Variants in SLIT2 observed in about 807,000 individuals in gnomAD.
SLIT2 encodes slit homolog 2 protein.
A neutral mutation model predicts 185.7 loss-of-function variants in SLIT2; 41 were observed. That is an observed-to-expected ratio of 0.22 (90% CI 0.17 to 0.29). SLIT2 has a LOEUF of 0.29. Among genes scored for constraint, SLIT2 ranks in the 10% least tolerant of loss-of-function variants. SLIT2 has a pLI of 1.00. For missense variants in SLIT2, 1,571 were observed against 1,909.0 expected (o/e 0.82, Z 3.30); for synonymous variants, 693 against 680.2 (o/e 1.02, Z -0.29).
At chr4:20,366,347 C>A (rs1466300653) in intron 4 of SLIT2, among the ~76,000 whole-genome samples, 1 of 152,116 alleles carries the variant, frequency 6.6e-6, no homozygotes, top group Non-Finnish European at 1.5e-5. Context: ...TCAAGGAATT[C>A]CTTTCTACAA....
intron 33 of SLIT2, among the ~76,000 whole-genome samples, chr4:20,603,596 C>A (rs74603876): frequency 0.047 from 7,102 of 152,114 alleles, 215 homozygotes; most frequent in Middle Eastern, 0.088. Flanking sequence ...ATGTCATTTT[C>A]CAAACCAGGC....
chr4:20,329,487 T>G (rs777093144), intron 4 of SLIT2, among the ~76,000 whole-genome samples: 4 of 152,040 alleles, frequency 2.6e-5, no homozygotes, highest in Non-Finnish European at 5.9e-5. Context: ...TAAGAGAAGA[T>G]CAATGTATGT....
chr4:20,598,800 A>G (rs1728183950), intron 33 of SLIT2, among the ~76,000 whole-genome samples: 1 of 152,150 alleles, frequency 6.6e-6, no homozygotes, highest in Admixed American at 6.5e-5. Flanking sequence ...TCTCAAGGAA[A>G]CAACCAGCTT....
In SLIT2 at chr4:20,533,600, A is replaced by G; in HGVS notation, c.1717A>G (p.Ile573Val). ...CTTTAGCAACAATAAGATCACAGAT[A>G]TTGAGGAGGGAGCATTTGAAGGAGC... ...INFSNNKITD[I>V]EEGAFEGASG... Residue 573 changes from isoleucine (I) to valine (V), a missense_variant, in exon 18 of 37, where the codon ATT becomes GTT. Around this residue, in one of 3 missense-constraint regions of SLIT2, gnomAD observed 1,202 missense variants for 1,416.4 expected, o/e 0.85. Coordinates refer to ENST00000504154, the MANE Select transcript of SLIT2 (RefSeq NM_004787.4). The G allele has an allele frequency of 3.7e-6, 6 of 1,611,480 alleles. No individual in the cohort carries two copies. The highest frequency in any genetic ancestry group is 4.2e-6 in the Non-Finnish European group (5 of 1,177,636).
At chr4:20,617,355 C>A in intron 35 of SLIT2, 84 bp from the exon 36 acceptor site, 1 of 1,429,928 alleles carries the variant, frequency 7.0e-7, no homozygotes, top group Non-Finnish European at 9.7e-7. Context: ...TTTTCTCAAT[C>A]ATCCTCCATT....
chr4:20,306,761 C>A (rs1717589728), intron 4 of SLIT2, among the ~76,000 whole-genome samples: 1 of 152,078 alleles, frequency 6.6e-6, no homozygotes, highest in Admixed American at 6.6e-5. Flanking sequence ...TCCATGACTC[C>A]AAGTTATAAT....
rs563802621 is a variant in SLIT2, at chr4:20,470,130, A to G, written c.467+2307A>G. 6.9e-4 allele frequency among the ~76,000 whole-genome samples: 105 copies of G among 152,064 alleles called. 1 individual carries two copies. The South Asian group carries it at 0.013, about 19-fold the overall frequency. On this transcript the variant is annotated intron_variant, in intron 5 of 36. Coordinates refer to ENST00000504154, the MANE Select transcript of SLIT2 (RefSeq NM_004787.4). ...ATTAGGGAAAGAAGATGTATGAAAG[A>G]CCTTTCGAAACAGTAAAATGCTATG... is the stretch of plus-strand genomic sequence containing the variant.
At position 20,619,166 on chromosome 4, in the gene SLIT2, G is replaced by GA. The variant is rs202224128; in HGVS notation, c.*170dup. Reference sequence around the variant, plus strand: ...AATAAAGACTTTTTTTCTGCATTTGGAAAAAAAAAAAAAGAAATGCTTGAA... The same window carrying GA: ...AATAAAGACTTTTTTTCTGCATTTGGAAAAAAAAAAAAAAGAAATGCTTGAA... On this transcript the variant is annotated 3_prime_UTR_variant, in exon 37 of 37. Transcript: ENST00000504154. 0.077 allele frequency: 37,585 copies of GA among 489,290 alleles called. 3 individuals are homozygous for GA. Among genetic ancestry groups the GA allele is most frequent in the East Asian group, 0.1 (2,499 of 23,952 alleles). The allele number at this position is 489,290 out of a possible 1,614,324, so 30.3% of individuals were successfully genotyped here.
rs78661425 is a variant in SLIT2 at position 20,379,017 on chromosome 4, T to C, written c.396-88735T>C. Among the ~76,000 whole-genome samples the C allele has an allele frequency of 3.9e-5, 6 of 152,294 alleles. No individual in the cohort carries two copies. In the East Asian group the frequency reaches 1.2e-3, roughly 29 times the overall value. On this transcript the variant is annotated intron_variant, in intron 4 of 36. Coordinates refer to ENST00000504154, the MANE Select transcript of SLIT2 (RefSeq NM_004787.4). Reference sequence around the variant, plus strand: ...GCTACATACAGTGTGATTCCAACTCTCTGACAGAGTACAGAGGGGTTTTAG... The same window carrying C: ...GCTACATACAGTGTGATTCCAACTCCCTGACAGAGTACAGAGGGGTTTTAG...
intron 24 of SLIT2, among the ~76,000 whole-genome samples, chr4:20,550,614 A>G (rs1037303367): frequency 6.6e-6 from 1 of 151,946 alleles, no homozygotes; most frequent in African/African-American, 2.4e-5. Context: ...TTTACATTTA[A>G]TTCTTCATTC....
chr4:20,335,274 G>A (rs1383513699), intron 4 of SLIT2, among the ~76,000 whole-genome samples: 7 of 152,152 alleles, frequency 4.6e-5, no homozygotes, highest in African/African-American at 1.4e-4. Context: ...ACAGAATGGA[G>A]ACTGGAGCTG....
chr4:20,326,746 CTTTTTTTTTTTTT>C (rs59509608), intron 4 of SLIT2, among the ~76,000 whole-genome samples: 1 of 54,726 alleles, frequency 1.8e-5, no homozygotes, highest in Non-Finnish European at 3.2e-5. Context: ...ATTCTGAAAC[CTTTTTTTTTTTTT>C]TTTTTTTTTT....
At chr4:20,266,352 G>A (rs751356275) in intron 3 of SLIT2, among the ~76,000 whole-genome samples, 1 of 151,818 alleles carries the variant, frequency 6.6e-6, no homozygotes, top group Non-Finnish European at 1.5e-5. Context: ...AGGTGATGCC[G>A]AGAATCACAT....
chr4:20,345,045 T>G (rs147365312), intron 4 of SLIT2, among the ~76,000 whole-genome samples: 42 of 152,310 alleles, frequency 2.8e-4, no homozygotes, highest in Non-Finnish European at 5.6e-4. Flanking sequence ...TTATTGATAG[T>G]AAAATACATA....
intron 32 of SLIT2, among the ~76,000 whole-genome samples, chr4:20,598,037 T>C (rs994642382): frequency 8.5e-5 from 13 of 152,246 alleles, no homozygotes; most frequent in African/African-American, 3.1e-4. Context: ...ACATGTTTAC[T>C]TGAGGATTTC....
chr4:20,618,975 T>C lies in SLIT2; in HGVS notation c.4556T>C (p.Val1519Ala). ...GSSFVDEVEKVVKCGCTRCVS is the reference protein window; with the variant it reads ...GSSFVDEVEKAVKCGCTRCVS ...TCCTTTGTGGACGAGGTTGAGAAAG[T>C]GGTGAAGTGCGGCTGTACGAGGTGT... Residue 1519 changes from valine (V) to alanine (A), a missense_variant, in exon 37 of 37, where the codon GTG becomes GCG. Transcript: ENST00000504154. The C allele has an allele frequency of 6.2e-7, 1 of 1,614,004 alleles. No individual in the cohort carries two copies. Among genetic ancestry groups the C allele is most frequent in the South Asian group, 1.1e-5 (1 of 91,082 alleles).
At chr4:20,324,129 C>G (rs985459063) in intron 4 of SLIT2, among the ~76,000 whole-genome samples, 1 of 152,118 alleles carries the variant, frequency 6.6e-6, no homozygotes, top group Non-Finnish European at 1.5e-5. Flanking sequence ...TAAGGCTAGC[C>G]AGTCATCACA....
rs1484297151 is a variant in SLIT2 at position 20,252,273 on chromosome 4, A to C, written c.-1543A>C. Among the ~76,000 whole-genome samples the C allele has an allele frequency of 6.6e-6, 1 of 152,062 alleles. No individual in the cohort carries two copies. The highest frequency in any genetic ancestry group is 1.5e-5 in the Non-Finnish European group (1 of 68,008). ...AGACTTGGGCTGCTGCGTCCGTCCTATTGTTTAGACACTTGCCAGGGGCTC... is the reference window on the plus strand; with the variant it reads ...AGACTTGGGCTGCTGCGTCCGTCCTCTTGTTTAGACACTTGCCAGGGGCTC... On this transcript the variant is annotated 5_prime_UTR_variant, in exon 1 of 37. Coordinates refer to ENST00000504154, the MANE Select transcript of SLIT2 (RefSeq NM_004787.4).
At chr4:20,485,884 C>T (rs1290012215) in intron 6 of SLIT2, among the ~76,000 whole-genome samples, 10 of 152,142 alleles carry the variant, frequency 6.6e-5, no homozygotes, top group South Asian at 4.1e-4. Context: ...GTAACTATCC[C>T]GTGTTTATTT....
Sources: gnomAD v4.1 joint callset for allele counts (sites outside exome capture counted in the v4.1 genomes callset) on GRCh38, gnomAD v4.1.1 for gene constraint, gnomAD v4.1.1 regional missense constraint, MANE v1.5 for transcripts, NCBI Gene and HGNC (gene_info 2026-07-23, HGNC 2026-07-21) for gene names.